The following CELF2 variants were observed in gnomAD, a reference collection of about 807,000 sequenced individuals.
The protein encoded by CELF2 is CUGBP Elav-like family member 2.
A neutral mutation model predicts 62.6 loss-of-function variants in CELF2; 8 were observed. The observed-to-expected ratio is 0.13, with a 90% CI of 0.07 to 0.23. CELF2 has a LOEUF of 0.23. CELF2 is among the 10% of genes least tolerant of loss of function. The probability of loss-of-function intolerance (pLI) is 1.00; values close to 1 mark genes in which losing one functional copy is unlikely to be tolerated. For synonymous variants in CELF2, 258 were observed against 250.0 expected (o/e 1.03, Z -0.30); for missense variants, 333 against 671.0 (o/e 0.50, Z 5.56).
At chr10:11,079,029 G>A (rs1010599865) in intron 1 of CELF2, among the ~76,000 whole-genome samples, 2 of 152,126 alleles carry the variant, frequency 1.3e-5, no homozygotes, top group Non-Finnish European at 2.9e-5. Flanking sequence ...GTTGGGGTGT[G>A]ACGGGGTGCA....
In CELF2 at chr10:11,285,866, TGTGTGTGTGTG is replaced by T. The variant is rs2091116275; in HGVS notation, c.842-2551_842-2541del. On this transcript the variant is annotated intron_variant, in intron 8 of 12. Coordinates refer to ENST00000633077, the MANE Select transcript of CELF2 (RefSeq NM_001326342.2). This position sits in a 1 kb window ranked among gnomAD's most constrained non-coding sequence, Gnocchi z 4.3. Reference sequence around the variant, plus strand: ...GTGTGTGTGTGTGTGTGTGTGTGTGTGTGTGTGTGTGTTTTTACATGGACTTGAAAATGAGT... The same window carrying T: ...GTGTGTGTGTGTGTGTGTGTGTGTGTTTTTTACATGGACTTGAAAATGAGT... Among the ~76,000 whole-genome samples the T allele has an allele frequency of 7.2e-6, 1 of 137,956 alleles. No homozygotes were observed. The highest frequency in any genetic ancestry group is 1.5e-5 in the Non-Finnish European group (1 of 67,150). The allele number at this position is 137,956 out of a possible 152,430, so 90.5% of individuals were successfully genotyped here. A position where few individuals can be genotyped will look rare whatever the true frequency, so the allele number is the denominator to read the frequency against.
At chr10:10,638,226 A>C in the CELF2 span, among the ~76,000 whole-genome samples, 2 of 152,224 alleles carry the variant, frequency 1.3e-5, no homozygotes, top group South Asian at 4.1e-4. Context: ...GTTTAAAAAA[A>C]TTCATGGGTC....
rs1186999261 is a variant in CELF2, at chr10:11,269,181, A to G, written c.619-1485A>G. 1.3e-5 allele frequency among the ~76,000 whole-genome samples: 2 copies of G among 152,232 alleles called. No individual in the cohort carries two copies. The highest frequency in any genetic ancestry group is 2.9e-5 in the Non-Finnish European group (2 of 68,038). On this transcript the variant is annotated intron_variant, in intron 6 of 12. Coordinates refer to ENST00000633077, the MANE Select transcript of CELF2 (RefSeq NM_001326342.2). The surrounding 1 kb of genome is among the most constrained non-coding windows in gnomAD (Gnocchi z 4.4). ...TAAGTGAAGTACTGAAACATGGAAC[A>G]GATACAGAAAAAAATGAATTACAGA...
chr10:11,018,060 C>G lies in CELF2; in HGVS notation c.-30C>G, dbSNP rs563876031. ...GCTCGGACGCGCGCAGAGCCGCCCC[C>G]CGCCGCTGCCGCCGCGTGCGCCCGC... On this transcript the variant is annotated 5_prime_UTR_variant, in exon 1 of 13. Transcript: ENST00000633077. 3.6e-6 allele frequency: 5 copies of G among 1,407,298 alleles called. No homozygotes were observed. The African/African-American group carries it at 6.0e-5, about 17-fold the overall frequency. The allele number at this position is 1,407,298 out of a possible 1,614,324, so 87.2% of individuals were successfully genotyped here. A position where few individuals can be genotyped will look rare whatever the true frequency, so the allele number is the denominator to read the frequency against.
intron 1 of CELF2, among the ~76,000 whole-genome samples, chr10:11,107,876 C>G (rs1408980809): frequency 7.3e-6 from 1 of 137,784 alleles, no homozygotes; most frequent in Non-Finnish European, 1.6e-5. Context: ...CATCTCCTCC[C>G]TTCTCCCATC....
the CELF2 span, among the ~76,000 whole-genome samples, chr10:10,756,538 T>C: frequency 6.6e-6 from 1 of 152,234 alleles, no homozygotes; most frequent in Non-Finnish European, 1.5e-5. Flanking sequence ...TTCATATTTG[T>C]TGAGTAATTT....
At chr10:10,929,357 G>T (rs1437627270) in intron 2 of CELF2, among the ~76,000 whole-genome samples, 1 of 152,164 alleles carries the variant, frequency 6.6e-6, no homozygotes, top group Non-Finnish European at 1.5e-5. Flanking sequence ...ATCACTGTGT[G>T]GAGATAACCC....
the CELF2 span, among the ~76,000 whole-genome samples, chr10:10,718,809 A>G: frequency 6.6e-6 from 1 of 151,916 alleles, no homozygotes; most frequent in Non-Finnish European, 1.5e-5. Context: ...TGAACTTGTC[A>G]CCTGCTGATA....
chr10:11,323,927 T>A (rs1184317769), intron 11 of CELF2, among the ~76,000 whole-genome samples: 1 of 152,206 alleles, frequency 6.6e-6, no homozygotes, highest in African/African-American at 2.4e-5. Context: ...AAATCTTTTT[T>A]TTTTTTTCAT....
At chr10:11,143,100 T>A (rs2061651527) in intron 1 of CELF2, among the ~76,000 whole-genome samples, 1 of 151,886 alleles carries the variant, frequency 6.6e-6, no homozygotes, top group Non-Finnish European at 1.5e-5. Flanking sequence ...CACTGGGGAA[T>A]CTCGCTCCCC....
At position 11,244,527 on chromosome 10, in the gene CELF2, C is replaced by T. The variant is rs1371286504; in HGVS notation, c.355-4626C>T. Among the ~76,000 whole-genome samples, 7 of 151,902 alleles carry T rather than the reference C, an allele frequency of 4.6e-5. No homozygotes were observed. The highest frequency in any genetic ancestry group is 1.2e-4 in the African/African-American group (5 of 41,360). ...AAAATTAGTTGGGCGTGGTGGCGGGCGCCTGTAGTCCCAGCTACTCAGGAG... is the reference window on the plus strand; with the variant it reads ...AAAATTAGTTGGGCGTGGTGGCGGGTGCCTGTAGTCCCAGCTACTCAGGAG... On this transcript the variant is annotated intron_variant, in intron 3 of 12. Coordinates refer to ENST00000633077, the MANE Select transcript of CELF2 (RefSeq NM_001326342.2). This position sits in a 1 kb window ranked among gnomAD's most constrained non-coding sequence, Gnocchi z 4.2.
the CELF2 span, among the ~76,000 whole-genome samples, chr10:10,650,077 T>G: frequency 3.9e-5 from 6 of 152,336 alleles, 1 homozygote; most frequent in East Asian, 5.8e-4. Context: ...TTCAGACTAT[T>G]TGATGCTCCG....
At chr10:10,844,791 A>G (rs1415401506) in intron 1 of CELF2, among the ~76,000 whole-genome samples, 1 of 152,148 alleles carries the variant, frequency 6.6e-6, no homozygotes, top group East Asian at 1.9e-4. Flanking sequence ...AAAGATTGAC[A>G]TATGCCCTGG....
the CELF2 span, among the ~76,000 whole-genome samples, chr10:10,550,924 C>T: frequency 1.3e-5 from 2 of 152,042 alleles, no homozygotes; most frequent in South Asian, 2.1e-4. Context: ...TCTCTAACTC[C>T]CAACCTCAGG....
intron 1 of CELF2, among the ~76,000 whole-genome samples, chr10:11,077,213 A>G (rs1345103414): frequency 6.6e-6 from 1 of 152,234 alleles, no homozygotes; most frequent in Non-Finnish European, 1.5e-5. Context: ...AGGGGTTGTA[A>G]GAACCAAGTG....
At chr10:10,992,675 A>AG (rs1175543337) in intron 2 of CELF2, among the ~76,000 whole-genome samples, 5 of 152,232 alleles carry the variant, frequency 3.3e-5, no homozygotes, top group African/African-American at 1.2e-4. Flanking sequence ...CAGAACTAGC[A>AG]GGATCAATAG....
chr10:10,556,744 A>G, the CELF2 span, among the ~76,000 whole-genome samples: 1 of 152,044 alleles, frequency 6.6e-6, no homozygotes, highest in Non-Finnish European at 1.5e-5. Flanking sequence ...GTGAGATGGT[A>G]TCTCATTGTG....
the CELF2 span, among the ~76,000 whole-genome samples, chr10:10,525,410 G>T: frequency 6.6e-6 from 1 of 152,094 alleles, no homozygotes; most frequent in Non-Finnish European, 1.5e-5. Flanking sequence ...TGTATTTTAT[G>T]TGTTGCCCCA....
intron 1 of CELF2, among the ~76,000 whole-genome samples, chr10:10,845,331 C>CAAA (rs35114307): frequency 4.9e-5 from 6 of 122,058 alleles, no homozygotes; most frequent in Non-Finnish European, 8.7e-5. Flanking sequence ...TTCATTGCTC[C>CAAA]AAAAAAAAAA....
Sources: gnomAD v4.1 joint callset for allele counts (sites outside exome capture counted in the v4.1 genomes callset) on GRCh38, gnomAD v4.1.1 for gene constraint, Gnocchi (gnomAD v3.1) non-coding constraint, MANE v1.5 for transcripts, NCBI Gene and HGNC (gene_info 2026-07-23, HGNC 2026-07-21) for gene names.